The following MLIP variants were observed in gnomAD, a reference collection of about 807,000 sequenced individuals.
MLIP encodes muscular LMNA-interacting protein.
In MLIP, 79 loss-of-function variants were observed where a neutral mutation model predicts 84.8. The ratio of observed to expected loss-of-function variants is 0.93; its 90% CI spans 0.78 to 1.12. MLIP has a LOEUF of 1.12. MLIP is among the 50% of genes most tolerant of loss of function. The probability of loss-of-function intolerance (pLI) is 0.00; values close to 1 mark genes in which losing one functional copy is unlikely to be tolerated. For missense variants in MLIP, 1,257 were observed against 1,160.6 expected, an observed-to-expected ratio of 1.08 and a Z score of -1.21; for synonymous variants, 504 against 463.0, an observed-to-expected ratio of 1.09 and a Z score of -1.14.
intron 1 of MLIP, among the ~76,000 whole-genome samples, chr6:54,114,062 T>C (rs1410068959): frequency 6.6e-6 from 1 of 152,216 alleles, no homozygotes; most frequent in Non-Finnish European, 1.5e-5. Flanking sequence ...TGGTCAGCCC[T>C]CTTTCTGACT....
At chr6:54,190,022 CACTT>C in intron 10 of MLIP, 108 bp downstream of exon 10, 2 of 771,186 alleles carry the variant, frequency 2.6e-6, no homozygotes, top group East Asian at 2.8e-5. Flanking sequence ...TATTTTTATT[CACTT>C]ACTTGTCTAA....
upstream of MLIP, among the ~76,000 whole-genome samples, chr6:54,108,179 A>G (rs1293165489): frequency 6.6e-6 from 1 of 152,194 alleles, no homozygotes; most frequent in Non-Finnish European, 1.5e-5. Flanking sequence ...AGCTTTGACA[A>G]ACTTTGTTTT....
intron 1 of MLIP, among the ~76,000 whole-genome samples, chr6:54,088,566 A>C (rs1767649829): frequency 3.3e-5 from 5 of 152,220 alleles, no homozygotes; most frequent in Non-Finnish European, 7.3e-5. Context: ...CTCAGGTGTT[A>C]GAGCAGACTG....
chr6:54,211,898 A>G (rs1197074149), intron 11 of MLIP, among the ~76,000 whole-genome samples: 1 of 152,194 alleles, frequency 6.6e-6, no homozygotes, highest in African/African-American at 2.4e-5. Context: ...GCCAAGGGCA[A>G]TTCAGTTCAA....
chr6:54,261,278 A>G (rs913070153), intron 13 of MLIP, among the ~76,000 whole-genome samples: 8 of 152,080 alleles, frequency 5.3e-5, no homozygotes, highest in Admixed American at 1.3e-4. Flanking sequence ...ATACTGCAGA[A>G]TGAGATATAA....
chr6:54,162,869 A>G (rs1174351214), intron 8 of MLIP, among the ~76,000 whole-genome samples: 3 of 152,144 alleles, frequency 2.0e-5, no homozygotes, highest in East Asian at 1.9e-4. Context: ...TCCAAGGAAC[A>G]TAACATCACA....
intron 9 of MLIP, among the ~76,000 whole-genome samples, chr6:54,183,494 T>A (rs1777088738): frequency 6.6e-6 from 1 of 152,102 alleles, no homozygotes; most frequent in African/African-American, 2.4e-5. Context: ...GGTGCCTTAT[T>A]TCAGACAAAC....
intron 1 of MLIP, among the ~76,000 whole-genome samples, chr6:54,025,358 C>T (rs902642325): frequency 2.0e-5 from 3 of 151,972 alleles, no homozygotes; most frequent in Non-Finnish European, 4.4e-5. Context: ...ATATGTTATT[C>T]CTTACAAGGC....
At chr6:54,209,425 A>G (rs1412011976) in intron 11 of MLIP, among the ~76,000 whole-genome samples, 1 of 152,218 alleles carries the variant, frequency 6.6e-6, no homozygotes, top group Non-Finnish European at 1.5e-5. Context: ...CCTATGGAGA[A>G]CAGAATCAAG....
chr6:54,255,976 G>A (rs1562115012), intron 12 of MLIP, among the ~76,000 whole-genome samples: 1 of 152,098 alleles, frequency 6.6e-6, no homozygotes, highest in African/African-American at 2.4e-5. Flanking sequence ...CTGATCCTAA[G>A]CCATACTTAG....
chr6:54,193,956 C>G (rs770223039), intron 10 of MLIP, among the ~76,000 whole-genome samples: 7 of 152,020 alleles, frequency 4.6e-5, no homozygotes, highest in Non-Finnish European at 1.0e-4. Context: ...AGTAGGGGAG[C>G]CTGGTTTAGA....
At chr6:54,135,363 A>C (rs1198567200) in intron 3 of MLIP, among the ~76,000 whole-genome samples, 1 of 152,140 alleles carries the variant, frequency 6.6e-6, no homozygotes, top group Non-Finnish European at 1.5e-5. Flanking sequence ...GCAAAGATAC[A>C]AATTCACATA....
chr6:54,144,809 A>G (rs1772635971), intron 4 of MLIP, among the ~76,000 whole-genome samples: 1 of 152,176 alleles, frequency 6.6e-6, no homozygotes, highest in Admixed American at 6.5e-5. Flanking sequence ...GACCTCATGG[A>G]TCTTTATTAC....
intron 12 of MLIP, among the ~76,000 whole-genome samples, chr6:54,243,482 A>G (rs1781875674): frequency 6.6e-6 from 1 of 152,200 alleles, no homozygotes; most frequent in South Asian, 2.1e-4. Flanking sequence ...GTGAGTTGAG[A>G]AGTCACTGAA....
At position 54,137,937 on chromosome 6, in the gene MLIP, G is replaced by C; in HGVS notation, c.1868G>C (p.Arg623Thr). ...PSPALSSLIN[R>T]SKRASSQLSG... The stretch of plus-strand genomic sequence containing the variant: ...CCAGCTCTTTCAAGCCTGATAAACA[G>C]ATCTAAAAGAGCATCATCCCAACTA... Residue 623 changes from arginine (R) to threonine (T), a missense_variant, in exon 4 of 14, where the codon AGA becomes ACA. Physicochemically the swap from Arg to Thr is moderately conservative, Grantham distance 71. Transcript: ENST00000502396. The C allele has an allele frequency of 6.5e-7, 1 of 1,536,072 alleles. No individual in the cohort carries two copies. Among genetic ancestry groups the C allele is most frequent in the Non-Finnish European group, 8.7e-7 (1 of 1,146,898 alleles).
At chr6:54,247,757 AACCACAT>A (rs1258649402) in intron 12 of MLIP, among the ~76,000 whole-genome samples, 3 of 152,028 alleles carry the variant, frequency 2.0e-5, no homozygotes, top group Admixed American at 1.3e-4. Flanking sequence ...CCTGCCAACC[AACCACAT>A]ACCCTCTCCC....
chr6:54,102,805 G>A (rs1768749694), intron 1 of MLIP, among the ~76,000 whole-genome samples: 1 of 152,046 alleles, frequency 6.6e-6, no homozygotes, highest in Non-Finnish European at 1.5e-5. Context: ...CCATCACAGT[G>A]GCATTTATGT....
chr6:54,124,907 G>A lies in MLIP; in HGVS notation c.645+42G>A, dbSNP rs41273898. Reference sequence around the variant, plus strand: ...TGCTGTCCATAAGGAAAAAAAAAGCGTTTATGCACCCTTTGTCTTGGGCGG... The same window carrying A: ...TGCTGTCCATAAGGAAAAAAAAAGCATTTATGCACCCTTTGTCTTGGGCGG... On this transcript the variant is annotated intron_variant, in intron 3 of 13. Coordinates refer to ENST00000502396, the MANE Select transcript of MLIP (RefSeq NM_001281747.2). 6.3e-5 allele frequency: 95 copies of A among 1,513,644 alleles called. 1 individual carries two copies. The African/African-American group carries it at 9.6e-4, about 15-fold the overall frequency. The allele number at this position is 1,513,644 out of a possible 1,614,324, so 93.8% of individuals were successfully genotyped here.
chr6:54,083,724 C>T, intron 1 of MLIP: 1 of 1,294,274 alleles, frequency 7.7e-7, no homozygotes, highest in South Asian at 1.3e-5. Context: ...TTTCGTATTG[C>T]AGTAGTTATG....
Sources: gnomAD v4.1 joint callset for allele counts (sites outside exome capture counted in the v4.1 genomes callset) on GRCh38, gnomAD v4.1.1 for gene constraint, MANE v1.5 for transcripts, NCBI Gene and HGNC (gene_info 2026-07-23, HGNC 2026-07-21) for gene names.